The following PLD5 variants were observed in gnomAD, a reference collection of about 807,000 sequenced individuals.
PLD5 encodes the protein phospholipase D family member 5, also known as inactive phospholipase D5.
PLD5 carries 36 observed loss-of-function variants against 61.1 expected under a neutral mutation model. The observed-to-expected ratio is 0.59, with a 90% CI of 0.45 to 0.78. The LOEUF (loss-of-function observed/expected upper bound fraction) is 0.78, where lower values mean the gene tolerates loss of function less well. PLD5 is among the 30% of genes least tolerant of loss of function. The pLI is 0.00. For missense variants in PLD5, 515 were observed against 644.4 expected (o/e 0.80, Z 2.17); for synonymous variants, 243 against 242.8 (o/e 1.00, Z -0.01).
intron 1 of PLD5, among the ~76,000 whole-genome samples, chr1:242,387,743 A>G (rs974065009): frequency 6.7e-6 from 1 of 149,048 alleles, no homozygotes; most frequent in African/African-American, 2.4e-5. Context: ...TATTTTATAT[A>G]TGATATATAT....
At chr1:242,102,952 T>C (rs767704304) in intron 8 of PLD5, among the ~76,000 whole-genome samples, 5 of 152,238 alleles carry the variant, frequency 3.3e-5, no homozygotes, top group African/African-American at 7.2e-5. Flanking sequence ...TGTAATTTTT[T>C]GTAATTCTTA....
At chr1:242,421,873 T>C (rs1665163855) in intron 1 of PLD5, among the ~76,000 whole-genome samples, 1 of 152,188 alleles carries the variant, frequency 6.6e-6, no homozygotes, top group African/African-American at 2.4e-5. Flanking sequence ...GAAATGCAAA[T>C]ATCCTTCTCT....
intron 1 of PLD5, among the ~76,000 whole-genome samples, chr1:242,487,301 G>T (rs1450156399): frequency 6.6e-6 from 1 of 152,096 alleles, no homozygotes; most frequent in Non-Finnish European, 1.5e-5. Context: ...GCAGTAAAAA[G>T]TAATAGACTC....
chr1:242,503,639 C>G (rs761657028), intron 1 of PLD5, among the ~76,000 whole-genome samples: 1 of 152,172 alleles, frequency 6.6e-6, no homozygotes, highest in Admixed American at 6.5e-5. Context: ...TTCCGTTTCC[C>G]TTGCCAGCAA....
At chr1:242,294,115 T>A (rs1675520049) in intron 2 of PLD5, among the ~76,000 whole-genome samples, 1 of 152,196 alleles carries the variant, frequency 6.6e-6, no homozygotes, top group Admixed American at 6.5e-5. Context: ...ACAAGAGAAC[T>A]CTACCTAGAG....
At chr1:242,471,198 C>T (rs796293373) in intron 1 of PLD5, among the ~76,000 whole-genome samples, 2 of 152,328 alleles carry the variant, frequency 1.3e-5, no homozygotes, top group African/African-American at 4.8e-5. Context: ...TTACACCTCT[C>T]GGTTCCTGTC....
intron 4 of PLD5, 113 bp downstream of exon 4, chr1:242,265,224 T>C (rs1673595875): frequency 2.3e-6 from 3 of 1,311,336 alleles, no homozygotes; most frequent in African/African-American, 1.5e-5. Flanking sequence ...AAATGTACTA[T>C]GTACTAAGTG....
At chr1:242,472,436 C>A (rs1489758031) in intron 1 of PLD5, among the ~76,000 whole-genome samples, 1 of 152,170 alleles carries the variant, frequency 6.6e-6, no homozygotes, top group Non-Finnish European at 1.5e-5. Context: ...GCAGATGAAA[C>A]CTAGAATGAT....
chr1:242,243,489 A>G lies in PLD5; in HGVS notation c.607+21848T>C, dbSNP rs544726540. ...AGGAAGAGATATTTACTACCAGAGG[A>G]GACCATTCTCAGCTTAGGAGAGATG... On this transcript the variant is annotated intron_variant, in intron 4 of 9. Coordinates refer to ENST00000536534, the MANE Select transcript of PLD5 (RefSeq NM_001372062.1). Among the ~76,000 whole-genome samples the G allele has an allele frequency of 4.6e-5, 7 of 152,364 alleles. No homozygotes were observed. In the South Asian group the frequency reaches 1.5e-3, roughly 32 times the overall value.
Position 242,489,921 on chromosome 1 carries a change from G to A in PLD5, c.189+34167C>T, listed in dbSNP as rs186594992. On this transcript the variant is annotated intron_variant, in intron 1 of 9. Transcript: ENST00000536534. Reference sequence around the variant, plus strand: ...ATGAGCTTTCTTGAGATAGGAGATTGAAATTGTAAGATTGAAAGGATGAAG... The same window carrying A: ...ATGAGCTTTCTTGAGATAGGAGATTAAAATTGTAAGATTGAAAGGATGAAG... Among the ~76,000 whole-genome samples, 332 of 152,334 alleles carry A rather than the reference G, an allele frequency of 2.2e-3. 2 individuals carry two copies. Among genetic ancestry groups the A allele is most frequent in the Middle Eastern group, 3.4e-3 (1 of 294 alleles).
At position 242,083,915 on chromosome 1, in the gene PLD5, T is replaced by C. The variant is rs1424335602; in HGVS notation, c.*5939A>G. On this transcript the variant is annotated 3_prime_UTR_variant, in exon 10 of 10. Transcript: ENST00000536534. The stretch of plus-strand genomic sequence containing the variant: ...CTAAATTAGAAACCATCTGTGTTTG[T>C]CTTGCAAGGGGCTCAGAATGTCTCA... The C allele has an allele frequency of 6.6e-6, 1 of 152,228 alleles. No homozygotes were observed. Among genetic ancestry groups the C allele is most frequent in the Non-Finnish European group, 1.5e-5 (1 of 68,046 alleles). The allele number at this position is 152,228 out of a possible 1,614,324, so 9.4% of individuals were successfully genotyped here.
At chr1:242,410,978 T>A (rs1243240472) in intron 1 of PLD5, among the ~76,000 whole-genome samples, 1 of 151,898 alleles carries the variant, frequency 6.6e-6, no homozygotes, top group Admixed American at 6.6e-5. Flanking sequence ...GAAAAAAGTA[T>A]TTTTAAAAGA....
intron 1 of PLD5, among the ~76,000 whole-genome samples, chr1:242,356,231 C>T (rs1050725111): frequency 2.6e-5 from 4 of 151,936 alleles, no homozygotes; most frequent in African/African-American, 7.2e-5. Flanking sequence ...TTAATATTTC[C>T]TTTATAGATT....
chr1:242,333,299 G>A lies in PLD5; in HGVS notation c.326+14807C>T, dbSNP rs141317910. Among the ~76,000 whole-genome samples, 161 of 152,220 alleles carry A rather than the reference G, an allele frequency of 1.1e-3. 1 individual carries two copies. The highest frequency in any genetic ancestry group is 3.8e-3 in the African/African-American group (158 of 41,532). Reference sequence around the variant, plus strand: ...CAACCCAAGGCTTCAGATGAATTTGGGCTATAAGAAAATGCAGTGCAAGGA... The same window carrying A: ...CAACCCAAGGCTTCAGATGAATTTGAGCTATAAGAAAATGCAGTGCAAGGA... On this transcript the variant is annotated intron_variant, in intron 2 of 9. Transcript: ENST00000536534.
chr1:242,433,822 G>A (rs906282567), intron 1 of PLD5, among the ~76,000 whole-genome samples: 3 of 152,142 alleles, frequency 2.0e-5, no homozygotes, highest in East Asian at 1.9e-4. Flanking sequence ...GAGGGGAATC[G>A]CCCAGACAGA....
intron 1 of PLD5, among the ~76,000 whole-genome samples, chr1:242,486,859 C>T (rs1667980310): frequency 6.6e-6 from 1 of 152,026 alleles, no homozygotes; most frequent in Non-Finnish European, 1.5e-5. Flanking sequence ...GGCACATATA[C>T]ACCATGGAAT....
intron 1 of PLD5, among the ~76,000 whole-genome samples, chr1:242,410,470 G>A (rs1001268714): frequency 1.3e-5 from 2 of 152,006 alleles, no homozygotes; most frequent in Non-Finnish European, 2.9e-5. Context: ...TATTTAAAAG[G>A]AGAAAAGAAA....
chr1:242,366,251 C>A (rs1428447732), intron 1 of PLD5, among the ~76,000 whole-genome samples: 1 of 152,134 alleles, frequency 6.6e-6, no homozygotes, highest in Non-Finnish European at 1.5e-5. Flanking sequence ...ATGGGGTCTG[C>A]AAAGATCATG....
At chr1:242,291,766 C>T (rs529062295) in intron 2 of PLD5, among the ~76,000 whole-genome samples, 1 of 152,184 alleles carries the variant, frequency 6.6e-6, no homozygotes, top group East Asian at 1.9e-4. Flanking sequence ...GAGATTGTAC[C>T]ACTGCACTCC....
Sources: allele counts gnomAD v4.1 joint callset (sites outside exome capture counted in the v4.1 genomes callset), GRCh38; gene constraint gnomAD v4.1.1; transcripts MANE v1.5; gene names NCBI Gene and HGNC (gene_info 2026-07-23, HGNC 2026-07-21).